The following ME3 variants were observed in gnomAD, a reference collection of about 807,000 sequenced individuals.
The protein encoded by ME3 is malic enzyme 3.
In ME3, 48 loss-of-function variants were observed where a neutral mutation model predicts 68.9. The observed-to-expected ratio is 0.70, with a 90% CI of 0.55 to 0.89. ME3 has a LOEUF of 0.89. Among genes scored for constraint, ME3 ranks in the 40% least tolerant of loss-of-function variants. ME3 has a pLI of 0.00. For synonymous variants in ME3, 320 were observed against 318.8 expected (o/e 1.00, Z -0.04); for missense variants, 675 against 797.4 (o/e 0.85, Z 1.85).
intron 13 of ME3, among the ~76,000 whole-genome samples, chr11:86,445,065 T>C (rs921214684): frequency 2.0e-5 from 3 of 152,144 alleles, no homozygotes; most frequent in Non-Finnish European, 4.4e-5. Context: ...AGCAATTGTG[T>C]TTTTACTCAA....
chr11:86,626,239 A>G (rs969524983), intron 2 of ME3, among the ~76,000 whole-genome samples: 6 of 152,194 alleles, frequency 3.9e-5, no homozygotes, highest in African/African-American at 1.4e-4. Flanking sequence ...AGAGAGTACA[A>G]TAGTGAGAGA....
At chr11:86,468,396 TCATCATCCATCCATCCATC>T (rs1342381530) in intron 7 of ME3, among the ~76,000 whole-genome samples, 4 of 151,866 alleles carry the variant, frequency 2.6e-5, no homozygotes, top group African/African-American at 9.7e-5. Context: ...ATCCATCCAT[TCATCATCCATCCATCCATC>T]CATCATCCAT....
intron 2 of ME3, among the ~76,000 whole-genome samples, chr11:86,651,842 C>A (rs565843139): frequency 1.3e-5 from 2 of 152,124 alleles, no homozygotes; most frequent in African/African-American, 4.8e-5. Flanking sequence ...AGTTAAAAAC[C>A]TTGAAAAAAG....
At chr11:86,504,784 G>C (rs1473151583) in intron 5 of ME3, among the ~76,000 whole-genome samples, 1 of 151,990 alleles carries the variant, frequency 6.6e-6, no homozygotes, top group Non-Finnish European at 1.5e-5. Flanking sequence ...TCCGCCTCCC[G>C]GGTTCAAGCT....
In ME3 at chr11:86,607,588, C is replaced by T. The variant is rs74559629; in HGVS notation, c.184-47765G>A. Among the ~76,000 whole-genome samples, 1,191 of 150,710 alleles carry T rather than the reference C, an allele frequency of 7.9e-3. 11 individuals are homozygous for T. The highest frequency in any genetic ancestry group is 0.028 in the African/African-American group (1,146 of 41,020). On this transcript the variant is annotated intron_variant, in intron 2 of 14. Transcript: ENST00000543262. Reference sequence around the variant, plus strand: ...TGCAGAATCTTAGAGTGGGAGGGGACTTAAGAGGGAAGGTACTTCCCACTC... The same window carrying T: ...TGCAGAATCTTAGAGTGGGAGGGGATTTAAGAGGGAAGGTACTTCCCACTC...
At chr11:86,601,150 T>C (rs368125357) in intron 2 of ME3, among the ~76,000 whole-genome samples, 3 of 151,096 alleles carry the variant, frequency 2.0e-5, no homozygotes, top group Middle Eastern at 3.4e-3. Context: ...TTCAAAAAAT[T>C]AATGAATCCA....
intron 2 of ME3, among the ~76,000 whole-genome samples, chr11:86,650,459 G>A (rs1292256219): frequency 6.6e-6 from 1 of 152,136 alleles, no homozygotes; most frequent in Non-Finnish European, 1.5e-5. Context: ...TTGACAAATG[G>A]GATCTAGTTA....
At chr11:86,619,674 A>T (rs11234720) in intron 2 of ME3, among the ~76,000 whole-genome samples, 2,398 of 152,266 alleles carry the variant, frequency 0.016, 29 homozygotes, top group Middle Eastern at 0.027. Context: ...TTCTGCCATG[A>T]CTGTGAGACT....
At chr11:86,632,459 T>C (rs1944081753) in intron 2 of ME3, among the ~76,000 whole-genome samples, 1 of 152,232 alleles carries the variant, frequency 6.6e-6, no homozygotes, top group Non-Finnish European at 1.5e-5. Flanking sequence ...TGTATTCTTT[T>C]ACTTTAGCAG....
At chr11:86,462,808 G>T (rs573430602) in intron 8 of ME3, 2 of 409,976 alleles carry the variant, frequency 4.9e-6, no homozygotes, top group Admixed American at 5.2e-5. Flanking sequence ...GAACACCTGA[G>T]GGGCACCCAA....
At chr11:86,498,990 TA>T (rs1952546145) in intron 5 of ME3, among the ~76,000 whole-genome samples, 1 of 152,036 alleles carries the variant, frequency 6.6e-6, no homozygotes, top group South Asian at 2.1e-4. Flanking sequence ...GGAATGTATA[TA>T]TTAATAATCA....
chr11:86,473,981 A>G (rs1249297299), intron 7 of ME3, among the ~76,000 whole-genome samples: 3 of 152,238 alleles, frequency 2.0e-5, no homozygotes, highest in Admixed American at 1.3e-4. Flanking sequence ...CCAGTGCCAT[A>G]TAAGGCAGAG....
intron 4 of ME3, among the ~76,000 whole-genome samples, chr11:86,555,851 C>T (rs943838514): frequency 3.3e-5 from 5 of 152,094 alleles, no homozygotes; most frequent in South Asian, 4.1e-4. Context: ...CATATTTGAA[C>T]GTAGACTAGA....
intron 2 of ME3, among the ~76,000 whole-genome samples, chr11:86,589,637 C>A (rs1958947070): frequency 6.6e-6 from 1 of 152,218 alleles, no homozygotes; most frequent in Non-Finnish European, 1.5e-5. Context: ...ATAAAAGATT[C>A]TGTGGCCAAG....
chr11:86,664,543 C>A (rs1298190072), intron 2 of ME3, among the ~76,000 whole-genome samples: 2 of 152,198 alleles, frequency 1.3e-5, no homozygotes, highest in Non-Finnish European at 2.9e-5. Context: ...GTGTTCCGGG[C>A]ACCCCATTCC....
chr11:86,663,262 C>A (rs542741373), intron 2 of ME3, among the ~76,000 whole-genome samples: 7 of 152,274 alleles, frequency 4.6e-5, no homozygotes, highest in African/African-American at 1.7e-4. Context: ...TTCTCTCATT[C>A]AAGTTTCTCA....
chr11:86,597,207 G>A (rs901958347), intron 2 of ME3, among the ~76,000 whole-genome samples: 1 of 152,194 alleles, frequency 6.6e-6, no homozygotes, highest in African/African-American at 2.4e-5. Context: ...GGATGTGGTC[G>A]CAGGGGCCCC....
At chr11:86,477,542 T>C (rs1440468367) in intron 7 of ME3, among the ~76,000 whole-genome samples, 4 of 152,242 alleles carry the variant, frequency 2.6e-5, no homozygotes, top group African/African-American at 7.2e-5. Flanking sequence ...AAGACCCTTA[T>C]ATTCCTTCAT....
intron 2 of ME3, among the ~76,000 whole-genome samples, chr11:86,569,511 G>A (rs547497544): frequency 1.3e-5 from 2 of 152,082 alleles, no homozygotes; most frequent in South Asian, 4.1e-4. Flanking sequence ...TAGCACATGC[G>A]ATGTGTCTCC....
Sources: gnomAD v4.1 joint callset for allele counts (sites outside exome capture counted in the v4.1 genomes callset) on GRCh38, gnomAD v4.1.1 for gene constraint, MANE v1.5 for transcripts, NCBI Gene and HGNC (gene_info 2026-07-23, HGNC 2026-07-21) for gene names.